IFT43: variants seen among roughly 807,000 people sequenced by gnomAD.
The protein encoded by IFT43 is intraflagellar transport 43.
In IFT43, 33 loss-of-function variants were observed where a neutral mutation model predicts 32.3. The observed-to-expected ratio is 1.02, with a 90% CI of 0.77 to 1.37. IFT43 has a LOEUF of 1.37. Ranked by LOEUF, IFT43 falls within the 40% of genes most tolerant of loss-of-function variation. The pLI is 0.00. For synonymous variants in IFT43, 93 were observed against 98.2 expected, an observed-to-expected ratio of 0.95 and a Z score of 0.31; for missense variants, 274 against 265.9, an observed-to-expected ratio of 1.03 and a Z score of -0.21.
intron 3 of IFT43, among the ~76,000 whole-genome samples, chr14:76,053,541 G>A (rs1053672478): frequency 2.0e-5 from 3 of 152,140 alleles, no homozygotes; most frequent in East Asian, 1.9e-4. Context: ...TGGCAGCTTC[G>A]TGGCTGAGCA....
intron 3 of IFT43, among the ~76,000 whole-genome samples, chr14:76,055,974 G>A (rs879797632): frequency 3.3e-5 from 5 of 152,130 alleles, no homozygotes; most frequent in Admixed American, 6.6e-5. Context: ...TTCATCCACT[G>A]CACGTCCAGT....
chr14:75,988,814 G>C, intron 1 of IFT43, 71 bp from the exon 2 acceptor site: 1 of 1,609,650 alleles, frequency 6.2e-7, no homozygotes, highest in Non-Finnish European at 8.5e-7. Flanking sequence ...CACTGCGCCC[G>C]GCTGGATTGT....
Position 76,037,492 on chromosome 14 carries a change from G to A in IFT43, c.215+15098G>A, listed in dbSNP as rs546882032. ...TTATTAACAGAAATTCTTCTGTAAT[G>A]AACTCTTACCAGCTACTTGGCTGCT... On this transcript the variant is annotated intron_variant, in intron 3 of 8. Transcript: ENST00000314067. Among the ~76,000 whole-genome samples, 6 of 152,294 alleles carry A rather than the reference G, an allele frequency of 3.9e-5. No individual in the cohort carries two copies. The South Asian group carries it at 1.2e-3, about 32-fold the overall frequency.
At chr14:76,082,813 C>G in intron 7 of IFT43, 121 bp downstream of exon 7, 4 of 798,882 alleles carry the variant, frequency 5.0e-6, no homozygotes, top group Non-Finnish European at 6.7e-6. Flanking sequence ...GGCTGCCTGC[C>G]TGGCACCCAT....
At chr14:76,020,727 G>T (rs557787990) in intron 2 of IFT43, among the ~76,000 whole-genome samples, 1 of 152,278 alleles carries the variant, frequency 6.6e-6, no homozygotes, top group South Asian at 2.1e-4. Flanking sequence ...CAAGTGGGCT[G>T]GTCCTTAGGC....
At position 75,999,271 on chromosome 14, in the gene IFT43, ATGTATATATATT is replaced by A. The variant is rs1292420623; in HGVS notation, c.147+10296_147+10307del. On this transcript the variant is annotated intron_variant, in intron 2 of 8. Coordinates refer to ENST00000314067, the MANE Select transcript of IFT43 (RefSeq NM_001102564.3). ...TATATATATATATATATATATATAT[ATGTATATATATT>A]TTTTTTTTTTTTTTTTTAATTTTTT... is the stretch of plus-strand genomic sequence containing the variant. Among the ~76,000 whole-genome samples, 10 of 25,808 alleles carry A rather than the reference ATGTATATATATT, an allele frequency of 3.9e-4. 1 individual carries two copies. The highest frequency in any genetic ancestry group is 1.6e-3 in the South Asian group (1 of 610). 16.9% of individuals were successfully genotyped at this position (25,808 alleles called of 152,430 possible).
intron 2 of IFT43, chr14:76,013,731 A>G: frequency 2.8e-6 from 1 of 351,758 alleles, no homozygotes; most frequent in South Asian, 4.9e-5. Context: ...CAAATGTGGA[A>G]TGAAAAACTT....
At chr14:75,996,783 A>G (rs2035755522) in intron 2 of IFT43, among the ~76,000 whole-genome samples, 1 of 152,240 alleles carries the variant, frequency 6.6e-6, no homozygotes. Flanking sequence ...CTGGGGGCAG[A>G]TGAGTAGAAA....
chr14:75,986,639 C>T (rs535943300), intron 1 of IFT43, among the ~76,000 whole-genome samples: 1 of 152,212 alleles, frequency 6.6e-6, no homozygotes, highest in African/African-American at 2.4e-5. Flanking sequence ...CTGTGGTTTA[C>T]CCAGCGTTAT....
At chr14:76,021,439 T>C (rs1455142617) in intron 2 of IFT43, among the ~76,000 whole-genome samples, 1 of 152,248 alleles carries the variant, frequency 6.6e-6, no homozygotes, top group African/African-American at 2.4e-5. Flanking sequence ...GTCAGTCATG[T>C]ACATATAACT....
intron 3 of IFT43, among the ~76,000 whole-genome samples, chr14:76,043,157 A>G (rs1024375356): frequency 2.6e-5 from 4 of 152,248 alleles, no homozygotes; most frequent in Non-Finnish European, 5.9e-5. Context: ...ATGTGTGAAC[A>G]TCTGAAACAT....
intron 5 of IFT43, chr14:76,076,476 G>A: frequency 6.8e-7 from 1 of 1,462,214 alleles, no homozygotes; most frequent in Non-Finnish European, 9.4e-7. Flanking sequence ...CCAGATTGGG[G>A]TGTCTCCTTT....
At chr14:76,040,921 A>C (rs1424872861) in intron 3 of IFT43, among the ~76,000 whole-genome samples, 1 of 152,252 alleles carries the variant, frequency 6.6e-6, no homozygotes, top group Non-Finnish European at 1.5e-5. Flanking sequence ...AGGACAGCTG[A>C]GACCCTGAGG....
rs761618241 is a variant in IFT43 at position 76,022,363 on chromosome 14, G to T, written c.184G>T (p.Gly62Cys). The T allele has an allele frequency of 6.2e-7, 1 of 1,613,334 alleles. No homozygotes were observed. Among genetic ancestry groups the T allele is most frequent in the Admixed American group, 1.7e-5 (1 of 59,988 alleles). Residue 62 changes from glycine (G) to cysteine (C), a missense_variant, in exon 3 of 9, where the codon GGC (glycine) becomes TGC (cysteine). Gly to Cys is a radical substitution (Grantham distance 159). Coordinates refer to ENST00000314067, the MANE Select transcript of IFT43 (RefSeq NM_001102564.3). ...TAAATTACCTCGCTGCCGACAGGGAGGCTGGGCAGGTGATTCCGTGAAGGC... is the reference window on the plus strand; with the variant it reads ...TAAATTACCTCGCTGCCGACAGGGATGCTGGGCAGGTGATTCCGTGAAGGC... Reference protein sequence around the residue: ...SAKLPRCRQGGWAGDSVKASK... With the variant: ...SAKLPRCRQGCWAGDSVKASK...
chr14:76,083,307 A>G lies in IFT43; in HGVS notation c.507+18A>G. The G allele has an allele frequency of 6.2e-7, 1 of 1,611,736 alleles. No individual in the cohort carries two copies. Among genetic ancestry groups the G allele is most frequent in the Non-Finnish European group, 8.5e-7 (1 of 1,177,834 alleles). ...TCCGGGAGGTACAGTGGTGGCAGCA[A>G]TTCCCCGGTCTCTCAGCTCTGGCAT... is the stretch of plus-strand genomic sequence containing the variant. On this transcript the variant is annotated intron_variant, in intron 8 of 8. Transcript: ENST00000314067.
intron 3 of IFT43, among the ~76,000 whole-genome samples, chr14:76,054,939 A>G (rs1353586261): frequency 6.6e-6 from 1 of 152,242 alleles, no homozygotes; most frequent in East Asian, 1.9e-4. Flanking sequence ...CAGAACTTCC[A>G]TATCAGATTC....
chr14:76,054,331 G>A (rs1186404369), intron 3 of IFT43, among the ~76,000 whole-genome samples: 2 of 152,172 alleles, frequency 1.3e-5, no homozygotes, highest in Admixed American at 6.5e-5. Context: ...AGAAGGGACC[G>A]TCTACACAGT....
intron 5 of IFT43, among the ~76,000 whole-genome samples, chr14:76,070,538 T>C (rs905766121): frequency 3.9e-5 from 6 of 152,196 alleles, no homozygotes; most frequent in African/African-American, 1.4e-4. Flanking sequence ...TAAACCTGGT[T>C]CCTTGGCCTC....
At chr14:76,082,721 G>A (rs1270297437) in intron 7 of IFT43, 29 bp downstream of exon 7, 12 of 1,500,390 alleles carry the variant, frequency 8.0e-6, no homozygotes, top group Non-Finnish European at 1.1e-5. Context: ...GCATAGAGAG[G>A]CGGGCTCCAA....
Sources: gnomAD v4.1 joint callset for allele counts (sites outside exome capture counted in the v4.1 genomes callset) on GRCh38, gnomAD v4.1.1 for gene constraint, MANE v1.5 for transcripts, NCBI Gene and HGNC (gene_info 2026-07-23, HGNC 2026-07-21) for gene names.